The following PAAF1 variants were observed in gnomAD, a reference collection of about 807,000 sequenced individuals.
The protein encoded by PAAF1 is proteasomal ATPase associated factor 1.
Under a neutral mutation model 52.8 loss-of-function variants are expected in PAAF1, and 46 were observed. That is an observed-to-expected ratio of 0.87 (90% CI 0.69 to 1.11). The LOEUF (loss-of-function observed/expected upper bound fraction) is 1.11, where lower values mean the gene tolerates loss of function less well. PAAF1 is among the 50% of genes most tolerant of loss of function. The pLI is 0.00. For synonymous variants in PAAF1, 178 were observed against 172.8 expected, an observed-to-expected ratio of 1.03 and a Z score of -0.24; for missense variants, 424 against 477.4, an observed-to-expected ratio of 0.89 and a Z score of 1.04.
intron 9 of PAAF1, among the ~76,000 whole-genome samples, chr11:73,917,307 C>A (rs1277214040): frequency 1.3e-5 from 2 of 152,190 alleles, no homozygotes; most frequent in Admixed American, 6.5e-5. Context: ...GCATGAGCCA[C>A]TGTACCCAGC....
intron 9 of PAAF1, 25 bp from the exon 10 acceptor site, chr11:73,918,925 A>T: frequency 6.3e-7 from 1 of 1,595,734 alleles, no homozygotes; most frequent in African/African-American, 1.3e-5. Context: ...AAGAAAGTAA[A>T]ATTTCCCCTT....
intron 8 of PAAF1, among the ~76,000 whole-genome samples, chr11:73,916,114 A>G (rs954123741): frequency 2.0e-5 from 3 of 151,994 alleles, no homozygotes; most frequent in Non-Finnish European, 2.9e-5. Context: ...TTACATTGCT[A>G]CTTTATTTAA....
chr11:73,907,714 C>T (rs983715426), intron 6 of PAAF1, among the ~76,000 whole-genome samples: 1 of 152,168 alleles, frequency 6.6e-6, no homozygotes, highest in Non-Finnish European at 1.5e-5. Flanking sequence ...TAGATGATCA[C>T]CTCCTGTTCA....
intron 2 of PAAF1, among the ~76,000 whole-genome samples, chr11:73,882,468 T>C (rs1395167760): frequency 6.6e-6 from 1 of 151,904 alleles, no homozygotes; most frequent in Non-Finnish European, 1.5e-5. Context: ...ATTTTTGAGA[T>C]GGAGTTTCGC....
intron 7 of PAAF1, among the ~76,000 whole-genome samples, chr11:73,910,573 A>G (rs1171978308): frequency 6.6e-6 from 1 of 152,198 alleles, no homozygotes; most frequent in Non-Finnish European, 1.5e-5. Context: ...TTATTTTCCC[A>G]TAATAATAGT....
chr11:73,927,556 A>G lies in PAAF1; in HGVS notation c.*194A>G, dbSNP rs1284837414. The G allele has an allele frequency of 2.2e-5, 13 of 599,968 alleles. No individual in the cohort carries two copies. Among genetic ancestry groups the G allele is most frequent in the Non-Finnish European group, 1.8e-5 (6 of 337,008 alleles). The allele number at this position is 599,968 out of a possible 1,614,324, so 37.2% of individuals were successfully genotyped here. On this transcript the variant is annotated 3_prime_UTR_variant, in exon 12 of 12. Transcript: ENST00000310571. ...CTACTTTGAACTGAGTAAGAAGGTCATTGTGCCCACTGCATTTGTTCCAAC... is the reference window on the plus strand; with the variant it reads ...CTACTTTGAACTGAGTAAGAAGGTCGTTGTGCCCACTGCATTTGTTCCAAC...
At chr11:73,908,724 A>T (rs753380716) in intron 6 of PAAF1, among the ~76,000 whole-genome samples, 3 of 151,604 alleles carry the variant, frequency 2.0e-5, no homozygotes, top group Non-Finnish European at 4.4e-5. Context: ...AAACTGAATT[A>T]GCTTAGGTGT....
chr11:73,915,653 C>T lies in PAAF1; in HGVS notation c.820-892C>T, dbSNP rs115695777. On this transcript the variant is annotated intron_variant, in intron 8 of 11. Transcript: ENST00000310571. ...TCAGGACTCTTGATCAATTAATGAA[C>T]AGACCATTAGTTGAAGTTTCTTCCT... Among the ~76,000 whole-genome samples, 453 of 152,304 alleles carry T rather than the reference C, an allele frequency of 3.0e-3. 3 individuals carry two copies. Among genetic ancestry groups the T allele is most frequent in the African/African-American group, 9.6e-3 (398 of 41,582 alleles).
rs1416275809 is a variant in PAAF1 at position 73,928,758 on chromosome 11, C to T, written c.*1396C>T. On this transcript the variant is annotated 3_prime_UTR_variant, in exon 12 of 12. Transcript: ENST00000310571. ...TTGTTTTTTTTGAGACGGAGTCTCG[C>T]TCTGTCACCCAGACTGGTGCGATCT... 1 of 152,188 alleles carries T rather than the reference C, an allele frequency of 6.6e-6. No individual in the cohort carries two copies. The highest frequency in any genetic ancestry group is 1.9e-4 in the East Asian group (1 of 5,190). 9.4% of individuals were successfully genotyped at this position (152,188 alleles called of 1,614,324 possible).
intron 4 of PAAF1, among the ~76,000 whole-genome samples, chr11:73,894,273 C>G (rs957776061): frequency 6.6e-6 from 1 of 151,876 alleles, no homozygotes; most frequent in Non-Finnish European, 1.5e-5. Context: ...GAGTCCAAGG[C>G]AGGAGGATCA....
At chr11:73,891,231 T>C (rs1289616699) in intron 4 of PAAF1, 30 bp downstream of exon 4, 2 of 1,233,916 alleles carry the variant, frequency 1.6e-6, no homozygotes, top group Non-Finnish European at 2.3e-6. Flanking sequence ...GAAGAGAAAA[T>C]GTAATAGCAT....
At chr11:73,921,970 T>C (rs1302687189) in intron 10 of PAAF1, 4 of 872,900 alleles carry the variant, frequency 4.6e-6, no homozygotes, top group South Asian at 1.3e-5. Flanking sequence ...CTCAGAAACG[T>C]AGACAGAGAT....
intron 2 of PAAF1, among the ~76,000 whole-genome samples, chr11:73,881,009 T>C (rs961037438): frequency 6.6e-6 from 1 of 151,884 alleles, no homozygotes; most frequent in African/African-American, 2.4e-5. Flanking sequence ...TCTAAATAAA[T>C]AAATAAATAA....
At chr11:73,921,585 G>T in intron 10 of PAAF1, 1 of 598,304 alleles carries the variant, frequency 1.7e-6, no homozygotes, top group East Asian at 3.9e-5. Context: ...TGAAATAAAG[G>T]CAAAAGATTC....
At chr11:73,898,010 G>C (rs934553572) in intron 4 of PAAF1, among the ~76,000 whole-genome samples, 1 of 152,156 alleles carries the variant, frequency 6.6e-6, no homozygotes, top group Non-Finnish European at 1.5e-5. Flanking sequence ...GCGAATCCCC[G>C]TCTCCACCAA....
Position 73,877,067 on chromosome 11 carries a change from A to T in PAAF1, c.46A>T (p.Arg16Trp). 1 of 1,537,026 alleles carries T rather than the reference A, an allele frequency of 6.5e-7. No homozygotes were observed. Among genetic ancestry groups the T allele is most frequent in the Non-Finnish European group, 8.8e-7 (1 of 1,139,480 alleles). The change falls in exon 1 of 12, where the codon AGG becomes TGG. Residue 16 changes from arginine to tryptophan, a missense_variant and splice_region_variant. Transcript: ENST00000310571. ...TCAGAGCGACTGGGCGCAAGCCCTC[A>T]GGTGAATCCAGGCCCAGAACAGAGT... ...RIQSDWAQAL[R>W]KDEGEAWLSC...
intron 3 of PAAF1, among the ~76,000 whole-genome samples, chr11:73,890,850 G>A (rs1302267051): frequency 6.6e-6 from 1 of 152,104 alleles, no homozygotes; most frequent in Admixed American, 6.5e-5. Flanking sequence ...TTGTTTGTCT[G>A]TCTTCTGTGG....
chr11:73,922,623 C>G (rs1360355161), intron 10 of PAAF1, among the ~76,000 whole-genome samples: 1 of 152,042 alleles, frequency 6.6e-6, no homozygotes, highest in Non-Finnish European at 1.5e-5. Flanking sequence ...CGAGACCATC[C>G]TGGCTAACAT....
rs376518385 is a variant in PAAF1, at chr11:73,893,664, G to A, written c.282+2463G>A. Among the ~76,000 whole-genome samples the A allele has an allele frequency of 3.3e-5, 5 of 149,808 alleles. No individual in the cohort carries two copies. In the East Asian group the frequency reaches 7.9e-4, roughly 24 times the overall value. Reference sequence around the variant, plus strand: ...AGGCAGGAGAATCGCTTGAACGCGGGAGGCAGAGGTTGCAGTGAGCCAAGA... The same window carrying A: ...AGGCAGGAGAATCGCTTGAACGCGGAAGGCAGAGGTTGCAGTGAGCCAAGA... On this transcript the variant is annotated intron_variant, in intron 4 of 11. Transcript: ENST00000310571.
Sources: allele counts gnomAD v4.1 joint callset (sites outside exome capture counted in the v4.1 genomes callset), GRCh38; gene constraint gnomAD v4.1.1; transcripts MANE v1.5; gene names NCBI Gene and HGNC (gene_info 2026-07-23, HGNC 2026-07-21).